Variants in LRP1B observed in about 807,000 individuals in gnomAD.
LRP1B encodes low-density lipoprotein receptor-related protein 1B.
LRP1B carries 217 observed loss-of-function variants against 556.6 expected under a neutral mutation model. The observed-to-expected ratio is 0.39, with a 90% CI of 0.35 to 0.44. The LOEUF is 0.44. Among genes scored for constraint, LRP1B ranks in the 20% least tolerant of loss-of-function variants. The pLI is 1.00. For missense variants in LRP1B, 5,053 were observed against 5,620.8 expected, an observed-to-expected ratio of 0.90 and a Z score of 3.23; for synonymous variants, 2,047 against 1,865.8, an observed-to-expected ratio of 1.10 and a Z score of -2.50.
intron 43 of LRP1B, among the ~76,000 whole-genome samples, chr2:140,548,902 G>C (rs1266160062): frequency 1.3e-5 from 2 of 152,116 alleles, no homozygotes; most frequent in South Asian, 4.1e-4. Flanking sequence ...TCCAGCCTGG[G>C]TGACAGAGCA....
At chr2:140,857,806 A>G (rs1322047766) in intron 27 of LRP1B, among the ~76,000 whole-genome samples, 1 of 152,144 alleles carries the variant, frequency 6.6e-6, no homozygotes, top group African/African-American at 2.4e-5. Flanking sequence ...GAAAATATAT[A>G]TGCAATATAA....
intron 3 of LRP1B, among the ~76,000 whole-genome samples, chr2:141,414,255 A>T (rs1257555248): frequency 6.8e-6 from 1 of 146,342 alleles, no homozygotes; most frequent in Non-Finnish European, 1.5e-5. Flanking sequence ...AAAAAAAAAG[A>T]AAAAGGAAGG....
chr2:141,247,494 A>C (rs1194967315), intron 4 of LRP1B, 140 bp from the exon 5 acceptor site: 3 of 854,932 alleles, frequency 3.5e-6, no homozygotes, highest in Non-Finnish European at 5.4e-6. Context: ...TCAAAACCAC[A>C]CTAACTAAAA....
chr2:141,658,179 A>G (rs183977493), intron 2 of LRP1B, among the ~76,000 whole-genome samples: 5 of 152,330 alleles, frequency 3.3e-5, no homozygotes, highest in Non-Finnish European at 7.3e-5. Flanking sequence ...GGTAAAAGAA[A>G]AAAACTTTCA....
chr2:141,886,167 A>G (rs1008117697), intron 1 of LRP1B, among the ~76,000 whole-genome samples: 4 of 152,198 alleles, frequency 2.6e-5, no homozygotes, highest in East Asian at 1.9e-4. Context: ...AGCATTGGAT[A>G]ATATCTGAAT....
At chr2:141,895,186 T>C (rs752869194) in intron 1 of LRP1B, among the ~76,000 whole-genome samples, 3 of 150,744 alleles carry the variant, frequency 2.0e-5, no homozygotes, top group Non-Finnish European at 1.5e-5. Context: ...AGCAAGAAAA[T>C]ATAGGTCTTT....
intron 7 of LRP1B, among the ~76,000 whole-genome samples, chr2:141,166,986 A>G (rs1680295189): frequency 6.6e-6 from 1 of 151,974 alleles, no homozygotes; most frequent in South Asian, 2.1e-4. Context: ...TACTTCAGAA[A>G]CACTAATTCT....
chr2:140,485,846 T>TACACACAC (rs10696198), intron 58 of LRP1B, among the ~76,000 whole-genome samples: 11,296 of 142,216 alleles, frequency 0.079, 539 homozygotes, highest in Non-Finnish European at 0.11. Context: ...CTCACGCACA[T>TACACACAC]ACACACACAC....
At chr2:140,718,085 G>C (rs1687273387) in intron 35 of LRP1B, among the ~76,000 whole-genome samples, 1 of 152,050 alleles carries the variant, frequency 6.6e-6, no homozygotes, top group Admixed American at 6.6e-5. Flanking sequence ...TGTATGTTGA[G>C]TCTAATTTTC....
rs1296089980 is a variant in LRP1B, at chr2:141,856,581, T to G, written c.83-46180A>C. On this transcript the variant is annotated intron_variant, in intron 1 of 90. Transcript: ENST00000389484. Reference sequence around the variant, plus strand: ...CCTGAGAAAACCCAGTTATCCAGACTTCAACTATTTTTGTGACTATTCAGA... The same window carrying G: ...CCTGAGAAAACCCAGTTATCCAGACGTCAACTATTTTTGTGACTATTCAGA... Among the ~76,000 whole-genome samples, 3 of 152,182 alleles carry G rather than the reference T, an allele frequency of 2.0e-5. No homozygotes were observed. The South Asian group carries it at 6.2e-4, about 31-fold the overall frequency.
intron 1 of LRP1B, among the ~76,000 whole-genome samples, chr2:141,993,495 G>A (rs6429942): frequency 0.86 from 130,468 of 152,124 alleles, 56,050 homozygotes; most frequent in East Asian, 0.95. Flanking sequence ...CAGGAAACTC[G>A]GAAAAGAAAT....
intron 2 of LRP1B, among the ~76,000 whole-genome samples, chr2:141,737,626 T>G (rs564876260): frequency 6.6e-6 from 1 of 152,304 alleles, no homozygotes. Context: ...ATGTTAGAGA[T>G]AGGAAAACTA....
At chr2:140,252,073 A>AAAG (rs572172109) in intron 86 of LRP1B, among the ~76,000 whole-genome samples, 2,566 of 119,628 alleles carry the variant, frequency 0.021, 86 homozygotes, top group South Asian at 0.038. Context: ...AAAAAAAAAA[A>AAAG]AAAAAAAAAA....
At chr2:141,115,636 T>TGC (rs35725569) in intron 7 of LRP1B, among the ~76,000 whole-genome samples, 6,812 of 110,776 alleles carry the variant, frequency 0.061, 366 homozygotes, top group East Asian at 0.16. Context: ...TGTGTGTGTG[T>TGC]GTGTGTGTGT....
intron 1 of LRP1B, among the ~76,000 whole-genome samples, chr2:141,956,430 T>C (rs1469177500): frequency 6.6e-6 from 1 of 152,122 alleles, no homozygotes; most frequent in African/African-American, 2.4e-5. Context: ...AATATGTGGT[T>C]GGTCTTTTTC....
At chr2:140,963,166 G>C (rs1002500655) in intron 18 of LRP1B, among the ~76,000 whole-genome samples, 3 of 151,874 alleles carry the variant, frequency 2.0e-5, no homozygotes, top group Non-Finnish European at 4.4e-5. Flanking sequence ...GATCAATATA[G>C]GACTTCAACT....
intron 66 of LRP1B, among the ~76,000 whole-genome samples, chr2:140,400,134 C>T (rs1033885718): frequency 6.6e-6 from 1 of 151,994 alleles, no homozygotes; most frequent in African/African-American, 2.4e-5. Flanking sequence ...GATGTCAGTG[C>T]CCCATCTACA....
chr2:140,436,432 A>G (rs1335001377), intron 66 of LRP1B, among the ~76,000 whole-genome samples: 1 of 152,162 alleles, frequency 6.6e-6, no homozygotes, highest in Non-Finnish European at 1.5e-5. Flanking sequence ...AGTCACACAT[A>G]CATACCAGAC....
At chr2:140,406,924 A>T (rs188914080) in intron 66 of LRP1B, among the ~76,000 whole-genome samples, 1 of 152,270 alleles carries the variant, frequency 6.6e-6, no homozygotes, top group Non-Finnish European at 1.5e-5. Flanking sequence ...GAGGCATTAC[A>T]GTACCAGACT....
Sources: gnomAD v4.1 joint callset for allele counts (sites outside exome capture counted in the v4.1 genomes callset) on GRCh38, gnomAD v4.1.1 for gene constraint, MANE v1.5 for transcripts, NCBI Gene and HGNC (gene_info 2026-07-23, HGNC 2026-07-21) for gene names.